The following CCDC191 variants were observed in gnomAD, a reference collection of about 807,000 sequenced individuals.
CCDC191 encodes the protein coiled-coil domain-containing protein 191.
Under a neutral mutation model 114.0 loss-of-function variants are expected in CCDC191, and 99 were observed. The observed-to-expected ratio is 0.87, with a 90% confidence interval of 0.74 to 1.03. CCDC191 has a LOEUF of 1.03. Ranked by LOEUF, CCDC191 falls within the 50% of genes least tolerant of loss-of-function variation. CCDC191 has a pLI of 0.00. For missense variants in CCDC191, 973 were observed against 1,087.0 expected (o/e 0.90, Z 1.47); for synonymous variants, 351 against 376.0 (o/e 0.93, Z 0.77).
At chr3:113,979,106 A>G in intron 14 of CCDC191, 96 bp from the exon 15 acceptor site, 1 of 1,137,482 alleles carries the variant, frequency 8.8e-7, no homozygotes, top group Non-Finnish European at 1.3e-6. Flanking sequence ...AAACACATTT[A>G]GGCAGTCGGT....
chr3:114,006,617 T>TATATAAATAA lies in CCDC191; in HGVS notation c.1414-656_1414-655insTTATTTATAT, dbSNP rs1482068610. ...ATATATATATATATATATATATATA[T>TATATAAATAA]AAATATATATATTTTATATATAAAA... is the stretch of plus-strand genomic sequence containing the variant. On this transcript the variant is annotated intron_variant, in intron 9 of 16. Transcript: ENST00000295878. 9.3e-5 allele frequency among the ~76,000 whole-genome samples: 11 copies of TATATAAATAA among 118,416 alleles called. No individual in the cohort carries two copies. The South Asian group carries it at 2.6e-3, about 28-fold the overall frequency. 77.7% of individuals were successfully genotyped at this position (118,416 alleles called of 152,430 possible).
chr3:114,052,124 T>C (rs1214383209), intron 2 of CCDC191, among the ~76,000 whole-genome samples: 1 of 150,794 alleles, frequency 6.6e-6, no homozygotes, highest in Non-Finnish European at 1.5e-5. Flanking sequence ...ACATTAGATA[T>C]GAAAAAGAAA....
At chr3:114,030,933 T>C (rs2076395894) in intron 7 of CCDC191, among the ~76,000 whole-genome samples, 1 of 152,194 alleles carries the variant, frequency 6.6e-6, no homozygotes, top group Non-Finnish European at 1.5e-5. Context: ...TATTTATCTT[T>C]TCTCATCTAA....
chr3:114,036,794 A>C lies in CCDC191; in HGVS notation c.416-8T>G. On this transcript the variant is annotated splice_region_variant and splice_polypyrimidine_tract_variant and intron_variant, in intron 4 of 16. Transcript: ENST00000295878. ...CCAAATAGCCACATAAATCTGGGGGAAACAGAACAACAAAAAAGGGAATTT... is the reference window on the plus strand; with the variant it reads ...CCAAATAGCCACATAAATCTGGGGGCAACAGAACAACAAAAAAGGGAATTT... 6.6e-7 allele frequency: 1 copy of C among 1,507,306 alleles called. No homozygotes were observed. The highest frequency in any genetic ancestry group is 8.8e-7 in the Non-Finnish European group (1 of 1,130,650). The allele number at this position is 1,507,306 out of a possible 1,614,324, so 93.4% of individuals were successfully genotyped here.
intron 13 of CCDC191, among the ~76,000 whole-genome samples, chr3:113,982,483 G>T (rs1200609310): frequency 6.6e-6 from 1 of 152,060 alleles, no homozygotes. Context: ...TTTTGAGATG[G>T]CACTTATAGT....
chr3:114,036,559 A>C (rs1461298752), intron 5 of CCDC191, 49 bp downstream of exon 5: 3 of 1,383,202 alleles, frequency 2.2e-6, no homozygotes, highest in Middle Eastern at 3.7e-4. Context: ...AATGTGTTAC[A>C]CAAAGACTGC....
chr3:114,053,764 A>G (rs2076728891), intron 1 of CCDC191, 129 bp from the exon 2 acceptor site: 2 of 549,108 alleles, frequency 3.6e-6, no homozygotes, highest in Admixed American at 3.8e-5. Context: ...ATTTCATTAG[A>G]AAGTTCAGCA....
In CCDC191 at chr3:114,002,670, C is replaced by T. The variant is rs1015881616; in HGVS notation, c.1979-132G>A. 2.2e-5 allele frequency: 28 copies of T among 1,263,772 alleles called. No individual in the cohort carries two copies. The African/African-American group carries it at 3.7e-4, about 17-fold the overall frequency. The allele number at this position is 1,263,772 out of a possible 1,614,324, so 78.3% of individuals were successfully genotyped here. A position where few individuals can be genotyped will look rare whatever the true frequency, so the allele number is the denominator to read the frequency against. ...GGTTTTCTTGTAAGTTGAATGTTCA[C>T]AATCTCAGAAAATATATAGAGATAA... On this transcript the variant is annotated intron_variant, in intron 11 of 16. Coordinates refer to ENST00000295878, the MANE Select transcript of CCDC191 (RefSeq NM_020817.2).
chr3:113,998,339 A>T (rs979273171), intron 13 of CCDC191, among the ~76,000 whole-genome samples: 6 of 151,886 alleles, frequency 4.0e-5, no homozygotes, highest in Non-Finnish European at 7.4e-5. Flanking sequence ...AGTTAACTAT[A>T]AAACAGCCTC....
intron 4 of CCDC191, among the ~76,000 whole-genome samples, chr3:114,041,978 G>A (rs2076568209): frequency 6.6e-6 from 1 of 151,326 alleles, no homozygotes; most frequent in Admixed American, 6.6e-5. Flanking sequence ...GTGCACAGTA[G>A]TGGTTTTTCT....
At chr3:114,054,419 TCAAGAGATCAAGA>T (rs1335127804) in intron 1 of CCDC191, among the ~76,000 whole-genome samples, 1 of 151,826 alleles carries the variant, frequency 6.6e-6, no homozygotes, top group East Asian at 1.9e-4. Flanking sequence ...GATCACAAGG[TCAAGAGATCAAGA>T]CCATCCTGGC....
intron 7 of CCDC191, among the ~76,000 whole-genome samples, chr3:114,021,026 A>C (rs2076236685): frequency 6.6e-6 from 1 of 152,128 alleles, no homozygotes; most frequent in Non-Finnish European, 1.5e-5. Context: ...AATGACTAAA[A>C]TCACAAGTAA....
chr3:114,053,927 C>A (rs1017124260), intron 1 of CCDC191, among the ~76,000 whole-genome samples: 1 of 151,772 alleles, frequency 6.6e-6, no homozygotes, highest in Non-Finnish European at 1.5e-5. Flanking sequence ...TTTTTTTAAA[C>A]CTCCTTAGGG....
chr3:113,978,400 C>G (rs1223457340), intron 15 of CCDC191, 69 bp from the exon 16 acceptor site: 1 of 1,486,030 alleles, frequency 6.7e-7, no homozygotes. Flanking sequence ...AGCAAATAAA[C>G]AGCACAAAAG....
chr3:114,003,035 C>T lies in CCDC191; in HGVS notation c.1979-497G>A, dbSNP rs866745481. ...ACAAACAAACTAAAGTTTGGGGTCA[C>T]GATGAATATATTTGAATCTAGTTTT... On this transcript the variant is annotated intron_variant, in intron 11 of 16. Transcript: ENST00000295878. The T allele has an allele frequency of 4.0e-5, 39 of 985,116 alleles. No homozygotes were observed. In the African/African-American group the frequency reaches 4.7e-4, roughly 12 times the overall value. The allele number at this position is 985,116 out of a possible 1,614,324, so 61.0% of individuals were successfully genotyped here.
At chr3:113,973,160 G>C (rs530461163) in intron 16 of CCDC191, among the ~76,000 whole-genome samples, 1 of 152,094 alleles carries the variant, frequency 6.6e-6, no homozygotes, top group Non-Finnish European at 1.5e-5. Flanking sequence ...GTGGCAAAAC[G>C]ATTTTCTCAG....
intron 14 of CCDC191, 133 bp from the exon 15 acceptor site, chr3:113,979,143 C>G (rs1346377038): frequency 1.3e-6 from 1 of 796,526 alleles, no homozygotes; most frequent in Non-Finnish European, 2.0e-6. Context: ...GTACATGCAG[C>G]CTGTGTCCTA....
intron 11 of CCDC191, chr3:114,003,712 T>C (rs138585891): frequency 2.4e-5 from 24 of 985,446 alleles, no homozygotes; most frequent in Middle Eastern, 5.2e-4. Context: ...TCCTGGCAGA[T>C]AGTTAATGCA....
intron 9 of CCDC191, among the ~76,000 whole-genome samples, chr3:114,007,820 G>A (rs879042308): frequency 6.6e-6 from 1 of 151,936 alleles, no homozygotes; most frequent in Admixed American, 6.6e-5. Context: ...TATAATTAAT[G>A]AGCATCTAAC....
Sources: gnomAD v4.1 joint callset for allele counts (sites outside exome capture counted in the v4.1 genomes callset) on GRCh38, gnomAD v4.1.1 for gene constraint, MANE v1.5 for transcripts, NCBI Gene and HGNC (gene_info 2026-07-23, HGNC 2026-07-21) for gene names.